Variants in MAPK10 observed in about 807,000 individuals in gnomAD.
The protein encoded by MAPK10 is mitogen-activated protein kinase 10.
MAPK10 carries 25 observed loss-of-function variants against 59.3 expected under a neutral mutation model. The observed-to-expected ratio is 0.42, with a 90% confidence interval of 0.31 to 0.59. The LOEUF is 0.59. Ranked by LOEUF, MAPK10 falls within the 20% of genes least tolerant of loss-of-function variation. The pLI is 0.15. For missense variants in MAPK10, 351 were observed against 568.9 expected, an observed-to-expected ratio of 0.62 and a Z score of 3.90; for synonymous variants, 190 against 200.5, an observed-to-expected ratio of 0.95 and a Z score of 0.44.
At chr4:86,390,268 TA>T (rs1742025864) in intron 1 of MAPK10, among the ~76,000 whole-genome samples, 1 of 152,202 alleles carries the variant, frequency 6.6e-6, no homozygotes, top group African/African-American at 2.4e-5. Flanking sequence ...AGGAAGATGA[TA>T]AAAAGATATT....
chr4:86,458,499 A>C (rs559867304), intron 1 of MAPK10, among the ~76,000 whole-genome samples: 22 of 152,144 alleles, frequency 1.4e-4, no homozygotes, highest in Non-Finnish European at 3.1e-4. Flanking sequence ...GACGCATCAC[A>C]TGACCTGATT....
chr4:86,022,996 T>TAGG (rs1748120684), intron 13 of MAPK10, among the ~76,000 whole-genome samples: 1 of 152,224 alleles, frequency 6.6e-6, no homozygotes, highest in South Asian at 2.1e-4. Flanking sequence ...TTTAGTGTCA[T>TAGG]ATCTAATAAA....
At chr4:86,299,044 T>C (rs1008983269) in intron 2 of MAPK10, among the ~76,000 whole-genome samples, 7 of 152,208 alleles carry the variant, frequency 4.6e-5, no homozygotes, top group African/African-American at 1.7e-4. Flanking sequence ...ATTAGAATAC[T>C]TGTGAGATAT....
Position 86,293,773 on chromosome 4 carries a change from G to A in MAPK10, c.-7+60757C>T, listed in dbSNP as rs1463597491. On this transcript the variant is annotated intron_variant, in intron 2 of 13. Transcript: ENST00000641462. ...ACAGAGTGCAGGGGAGGTGCCACAC[G>A]CTTTTAAATGACCAGATCTCAAAAC... 2.6e-5 allele frequency among the ~76,000 whole-genome samples: 4 copies of A among 152,114 alleles called. No homozygotes were observed. In the East Asian group the frequency reaches 7.8e-4, roughly 30 times the overall value.
intron 2 of MAPK10, among the ~76,000 whole-genome samples, chr4:86,321,502 G>A (rs566252738): frequency 1.5e-4 from 23 of 148,516 alleles, no homozygotes; most frequent in Admixed American, 5.5e-4. Context: ...AACAAACACC[G>A]CATATTCTCA....
At chr4:86,063,721 A>G (rs555575468) in intron 11 of MAPK10, among the ~76,000 whole-genome samples, 1 of 152,308 alleles carries the variant, frequency 6.6e-6, no homozygotes, top group East Asian at 1.9e-4. Context: ...TCAGACATGG[A>G]GATACATCAT....
chr4:86,289,782 T>C (rs2095160856), intron 2 of MAPK10, among the ~76,000 whole-genome samples: 2 of 152,172 alleles, frequency 1.3e-5, no homozygotes, highest in South Asian at 4.1e-4. Flanking sequence ...GAAGTAGAAA[T>C]ACTCATTTGA....
intron 2 of MAPK10, among the ~76,000 whole-genome samples, chr4:86,284,403 T>G (rs1246112907): frequency 6.6e-6 from 1 of 152,178 alleles, no homozygotes; most frequent in Non-Finnish European, 1.5e-5. Context: ...ACTTCAGTTA[T>G]TTTCATTTAT....
intron 1 of MAPK10, among the ~76,000 whole-genome samples, chr4:86,437,224 A>C (rs1748870634): frequency 6.6e-6 from 1 of 151,850 alleles, no homozygotes; most frequent in African/African-American, 2.4e-5. Flanking sequence ...AAAAAAAAAA[A>C]AAAAAAAAAT....
chr4:86,079,511 G>T (rs2050199247), intron 9 of MAPK10: 1 of 152,132 alleles, frequency 6.6e-6, no homozygotes, highest in Non-Finnish European at 1.5e-5. Flanking sequence ...TCAGTTGTAT[G>T]ATATTCTGAC....
intron 2 of MAPK10, among the ~76,000 whole-genome samples, chr4:86,274,501 C>T (rs1328521611): frequency 5.3e-5 from 8 of 151,648 alleles, no homozygotes; most frequent in Non-Finnish European, 8.8e-5. Context: ...TCAGCTTTCT[C>T]GCCTCTCACT....
intron 2 of MAPK10, among the ~76,000 whole-genome samples, chr4:86,338,360 C>T (rs189659248): frequency 2.2e-4 from 33 of 152,312 alleles, no homozygotes; most frequent in Non-Finnish European, 2.9e-4. Context: ...GACAAACCTA[C>T]GTAGAACGCC....
At chr4:86,158,297 C>T (rs2068457292) in intron 4 of MAPK10, among the ~76,000 whole-genome samples, 1 of 151,764 alleles carries the variant, frequency 6.6e-6, no homozygotes, top group Admixed American at 6.6e-5. Context: ...ACCCAGCCTG[C>T]CACCATCTTG....
chr4:86,135,418 C>G (rs1043587969), intron 4 of MAPK10, among the ~76,000 whole-genome samples: 1 of 152,198 alleles, frequency 6.6e-6, no homozygotes, highest in Non-Finnish European at 1.5e-5. Flanking sequence ...ACCGCCCCAG[C>G]AGGGGCACAC....
At chr4:86,211,455 G>A (rs1332773924) in intron 2 of MAPK10, among the ~76,000 whole-genome samples, 1 of 152,074 alleles carries the variant, frequency 6.6e-6, no homozygotes, top group Non-Finnish European at 1.5e-5. Context: ...GAAAAAAAGT[G>A]TCAACCAAGA....
intron 1 of MAPK10, among the ~76,000 whole-genome samples, chr4:86,410,699 T>C (rs958753899): frequency 2.0e-5 from 3 of 152,206 alleles, no homozygotes; most frequent in Non-Finnish European, 2.9e-5. Context: ...TAGAGGTGTT[T>C]ATAGTATTCT....
chr4:86,573,452 T>C (rs991307245), intron 1 of MAPK10, among the ~76,000 whole-genome samples: 3 of 152,180 alleles, frequency 2.0e-5, no homozygotes, highest in East Asian at 1.9e-4. Context: ...TCTTTATCTA[T>C]ATAGCTATCC....
intron 2 of MAPK10, among the ~76,000 whole-genome samples, chr4:86,312,030 A>C (rs1171796643): frequency 6.6e-6 from 1 of 152,088 alleles, no homozygotes; most frequent in Non-Finnish European, 1.5e-5. Flanking sequence ...TTCTGGAATT[A>C]ACAATGACAA....
At chr4:86,572,518 T>C (rs1270432322) in intron 1 of MAPK10, among the ~76,000 whole-genome samples, 2 of 152,236 alleles carry the variant, frequency 1.3e-5, no homozygotes, top group African/African-American at 4.8e-5. Flanking sequence ...CAACACTATA[T>C]GCAAACAGGG....
Sources: allele counts gnomAD v4.1 joint callset (sites outside exome capture counted in the v4.1 genomes callset), GRCh38; gene constraint gnomAD v4.1.1; transcripts MANE v1.5; gene names NCBI Gene and HGNC (gene_info 2026-07-23, HGNC 2026-07-21).